CSMD1: variants seen among roughly 807,000 people sequenced by gnomAD.
CSMD1 encodes CUB and Sushi multiple domains 1.
A neutral mutation model predicts 417.5 loss-of-function variants in CSMD1; 213 were observed. The ratio of observed to expected loss-of-function variants is 0.51; its 90% CI spans 0.46 to 0.57. The LOEUF is 0.57. Among genes scored for constraint, CSMD1 ranks in the 20% least tolerant of loss-of-function variants. The probability of loss-of-function intolerance (pLI) is 0.00; values close to 1 mark genes in which losing one functional copy is unlikely to be tolerated. For missense variants in CSMD1, 6,923 were observed against 4,529.7 expected (o/e 1.53, Z -15.17); for synonymous variants, 2,862 against 1,736.8 (o/e 1.65, Z -16.11).
intron 2 of CSMD1, among the ~76,000 whole-genome samples, chr8:4,600,982 G>C (rs568236861): frequency 3.4e-4 from 44 of 129,356 alleles, no homozygotes; most frequent in African/African-American, 1.2e-3. Flanking sequence ...TTGAGATGAA[G>C]TTTTGCTCTC....
chr8:4,041,538 G>C (rs1797895170), intron 3 of CSMD1, among the ~76,000 whole-genome samples: 1 of 152,042 alleles, frequency 6.6e-6, no homozygotes, highest in Admixed American at 6.6e-5. Flanking sequence ...ATATTTATGG[G>C]AATACAAAAA....
At chr8:4,567,119 A>G (rs1217609924) in intron 2 of CSMD1, among the ~76,000 whole-genome samples, 1 of 152,210 alleles carries the variant, frequency 6.6e-6, no homozygotes, top group East Asian at 1.9e-4. Context: ...TTGAAAATAA[A>G]TCACAGCATC....
intron 10 of CSMD1, among the ~76,000 whole-genome samples, chr8:3,548,761 C>G (rs1210656048): frequency 6.6e-6 from 1 of 150,894 alleles, no homozygotes; most frequent in Admixed American, 6.6e-5. Flanking sequence ...AAAGAGTAAG[C>G]CCGGCCAAGT....
intron 3 of CSMD1, among the ~76,000 whole-genome samples, chr8:4,344,828 TA>T (rs1800689687): frequency 6.6e-6 from 1 of 152,150 alleles, no homozygotes; most frequent in African/African-American, 2.4e-5. Flanking sequence ...AGCTGATCTT[TA>T]AAAAGGATCT....
At chr8:3,015,113 G>A (rs75045939) in intron 52 of CSMD1, among the ~76,000 whole-genome samples, 1 of 148,736 alleles carries the variant, frequency 6.7e-6, no homozygotes, top group Non-Finnish European at 1.5e-5. Context: ...AAAAAAAACA[G>A]AACTGAATAA....
intron 11 of CSMD1, among the ~76,000 whole-genome samples, chr8:3,480,088 G>C (rs561887319): frequency 2.6e-5 from 4 of 152,146 alleles, no homozygotes; most frequent in African/African-American, 9.7e-5. Context: ...GCCGGGAGTG[G>C]TGACTCACAT....
At chr8:4,639,825 T>A (rs1803084696) in intron 1 of CSMD1, among the ~76,000 whole-genome samples, 1 of 152,138 alleles carries the variant, frequency 6.6e-6, no homozygotes, top group African/African-American at 2.4e-5. Context: ...ATAAAAAGAT[T>A]TAATGAAAGG....
chr8:4,073,381 G>C (rs566820863), intron 3 of CSMD1, among the ~76,000 whole-genome samples: 1 of 152,202 alleles, frequency 6.6e-6, no homozygotes, highest in Non-Finnish European at 1.5e-5. Context: ...ACTTAATGAA[G>C]CTAAAAAAAG....
At chr8:3,019,481 C>A (rs1809167552) in intron 51 of CSMD1, among the ~76,000 whole-genome samples, 1 of 152,184 alleles carries the variant, frequency 6.6e-6, no homozygotes, top group African/African-American at 2.4e-5. Context: ...AAATCTAGGA[C>A]TTCGGAATGC....
chr8:4,792,491 G>A (rs189847363), intron 1 of CSMD1, among the ~76,000 whole-genome samples: 30 of 152,084 alleles, frequency 2.0e-4, no homozygotes, highest in Admixed American at 3.3e-4. Flanking sequence ...TTCTATTCCC[G>A]TTCCCTGGGC....
intron 6 of CSMD1, among the ~76,000 whole-genome samples, chr8:3,752,700 A>AAAAAAAC (rs1563341540): frequency 2.0e-5 from 3 of 151,120 alleles, no homozygotes; most frequent in African/African-American, 7.3e-5. Context: ...AAAAAAAAAA[A>AAAAAAAC]AAAACATATT....
chr8:3,747,656 G>C (rs141620961), intron 6 of CSMD1, among the ~76,000 whole-genome samples: 1 of 151,886 alleles, frequency 6.6e-6, no homozygotes, highest in Non-Finnish European at 1.5e-5. Flanking sequence ...TCCTCTGGAC[G>C]TTCTCTGTAC....
intron 3 of CSMD1, among the ~76,000 whole-genome samples, chr8:4,158,025 C>A (rs1563200841): frequency 6.6e-6 from 1 of 152,032 alleles, no homozygotes; most frequent in Non-Finnish European, 1.5e-5. Context: ...ATACACGGAA[C>A]CAATGCCTGC....
chr8:4,328,674 T>C (rs1338099150), intron 3 of CSMD1, among the ~76,000 whole-genome samples: 1 of 152,236 alleles, frequency 6.6e-6, no homozygotes, highest in African/African-American at 2.4e-5. Flanking sequence ...AAGGCATGTC[T>C]ACATATTCAA....
chr8:4,349,027 A>G (rs893417961), intron 3 of CSMD1, among the ~76,000 whole-genome samples: 1 of 152,222 alleles, frequency 6.6e-6, no homozygotes, highest in African/African-American at 2.4e-5. Context: ...ACACAAGCCG[A>G]AATCTTACAT....
At chr8:3,656,920 G>C (rs112670558) in intron 7 of CSMD1, among the ~76,000 whole-genome samples, 204 of 112,148 alleles carry the variant, frequency 1.8e-3, no homozygotes, top group African/African-American at 7.6e-3. Context: ...GCAAGACTCT[G>C]TCTAAAAAAA....
At chr8:3,898,151 G>C (rs754708499) in intron 5 of CSMD1, among the ~76,000 whole-genome samples, 5 of 152,148 alleles carry the variant, frequency 3.3e-5, no homozygotes, top group Non-Finnish European at 7.3e-5. Context: ...TCAAAGTGGA[G>C]TCAACTATAA....
intron 3 of CSMD1, among the ~76,000 whole-genome samples, chr8:4,236,296 C>T (rs1210763036): frequency 6.6e-6 from 1 of 152,004 alleles, no homozygotes; most frequent in African/African-American, 2.4e-5. Flanking sequence ...CTTACAGAAA[C>T]TAGAACGCAG....
intron 3 of CSMD1, among the ~76,000 whole-genome samples, chr8:4,300,588 G>A (rs951429338): frequency 2.6e-5 from 4 of 152,114 alleles, no homozygotes; most frequent in Non-Finnish European, 5.9e-5. Context: ...CAACGTGCGG[G>A]TTTGTTTCAT....
Sources: allele counts gnomAD v4.1 joint callset (sites outside exome capture counted in the v4.1 genomes callset), GRCh38; gene constraint gnomAD v4.1.1; transcripts MANE v1.5; gene names NCBI Gene and HGNC (gene_info 2026-07-23, HGNC 2026-07-21).